Variants in MDGA2 observed in about 807,000 individuals in gnomAD.
MDGA2 encodes the protein MAM domain-containing glycosylphosphatidylinositol anchor protein 2.
In MDGA2, 40 loss-of-function variants were observed where a neutral mutation model predicts 117.8. That is an observed-to-expected ratio of 0.34 (90% CI 0.26 to 0.44). MDGA2 has a LOEUF of 0.44. Ranked by LOEUF, MDGA2 falls within the 20% of genes least tolerant of loss-of-function variation. The probability of loss-of-function intolerance (pLI) is 1.00; values close to 1 mark genes in which losing one functional copy is unlikely to be tolerated. For missense variants in MDGA2, 1,123 were observed against 1,250.6 expected, an observed-to-expected ratio of 0.90 and a Z score of 1.54; for synonymous variants, 452 against 439.0, an observed-to-expected ratio of 1.03 and a Z score of -0.37.
In MDGA2 at chr14:47,479,854, T is replaced by G. The variant is rs568976046; in HGVS notation, c.281-178304A>C. Among the ~76,000 whole-genome samples the G allele has an allele frequency of 1.6e-3, 242 of 152,208 alleles. 1 individual carries two copies. Among genetic ancestry groups the G allele is most frequent in the African/African-American group, 5.6e-3 (234 of 41,562 alleles). On this transcript the variant is annotated intron_variant, in intron 1 of 16. Coordinates refer to ENST00000399232, the MANE Select transcript of MDGA2 (RefSeq NM_001113498.3). ...CCAGCTAACCACACAAAACCTCAGT[T>G]ATATTTACACCAACAATTTACCGCT...
At chr14:47,518,367 T>TA (rs1010638099) in intron 1 of MDGA2, among the ~76,000 whole-genome samples, 12 of 152,064 alleles carry the variant, frequency 7.9e-5, no homozygotes, top group African/African-American at 2.4e-4. Flanking sequence ...AAATAATTTC[T>TA]AAAAAAACAC....
intron 1 of MDGA2, among the ~76,000 whole-genome samples, chr14:47,424,725 T>G (rs1892650243): frequency 6.6e-6 from 1 of 152,204 alleles, no homozygotes; most frequent in Non-Finnish European, 1.5e-5. Context: ...CATATCTATG[T>G]GACATAGGTA....
chr14:47,518,834 G>A (rs1894808218), intron 1 of MDGA2, among the ~76,000 whole-genome samples: 1 of 152,160 alleles, frequency 6.6e-6, no homozygotes, highest in African/African-American at 2.4e-5. Context: ...CTAAGTGCTA[G>A]GCTATCATAA....
intron 3 of MDGA2, among the ~76,000 whole-genome samples, chr14:47,174,518 G>C (rs1884343493): frequency 1.3e-5 from 2 of 151,996 alleles, no homozygotes; most frequent in Admixed American, 6.6e-5. Flanking sequence ...TCAACAACAT[G>C]GAAACTGAAC....
At chr14:46,944,522 G>A (rs143073952) in intron 9 of MDGA2, among the ~76,000 whole-genome samples, 20 of 151,992 alleles carry the variant, frequency 1.3e-4, no homozygotes, top group Non-Finnish European at 2.1e-4. Context: ...GAAAATTTCA[G>A]CCATTTTTTC....
At chr14:46,859,947 A>C (rs942613209) in intron 14 of MDGA2, among the ~76,000 whole-genome samples, 16 of 152,086 alleles carry the variant, frequency 1.1e-4, no homozygotes, top group Admixed American at 1.0e-3. Context: ...AGCCTTCTTA[A>C]CATTTTGGTG....
chr14:47,354,257 T>A (rs759137589), intron 1 of MDGA2, among the ~76,000 whole-genome samples: 4 of 152,200 alleles, frequency 2.6e-5, no homozygotes, highest in Non-Finnish European at 5.9e-5. Context: ...ATGCCCATTC[T>A]CACCTCTTCT....
intron 14 of MDGA2, among the ~76,000 whole-genome samples, chr14:46,873,060 T>C (rs1029747397): frequency 9.2e-5 from 14 of 152,080 alleles, no homozygotes; most frequent in Middle Eastern, 3.4e-3. Context: ...TATAGCAACA[T>C]GACAATATTA....
At chr14:47,472,033 A>C in intron 1 of MDGA2, among the ~76,000 whole-genome samples, 1 of 152,178 alleles carries the variant, frequency 6.6e-6, no homozygotes, top group East Asian at 1.9e-4. Context: ...AATGTGAACT[A>C]TGTGATTCTT....
At chr14:47,477,814 C>T (rs531141909) in intron 1 of MDGA2, among the ~76,000 whole-genome samples, 24 of 152,216 alleles carry the variant, frequency 1.6e-4, no homozygotes, top group African/African-American at 5.5e-4. Context: ...CTGTGACATC[C>T]CAGAGAGATT....
intron 2 of MDGA2, among the ~76,000 whole-genome samples, chr14:47,226,584 GA>G (rs2139553594): frequency 1.3e-5 from 2 of 152,218 alleles, no homozygotes; most frequent in African/African-American, 4.8e-5. Context: ...GGAGCACTAC[GA>G]TAGGGCCTGC....
At chr14:47,249,192 AT>A (rs71448184) in intron 2 of MDGA2, among the ~76,000 whole-genome samples, 1 of 151,200 alleles carries the variant, frequency 6.6e-6, no homozygotes, top group East Asian at 1.9e-4. Context: ...TAATTTTTGT[AT>A]TTTTTAGTAG....
intron 2 of MDGA2, among the ~76,000 whole-genome samples, chr14:47,239,115 C>T (rs1886958090): frequency 6.6e-6 from 1 of 150,934 alleles, no homozygotes; most frequent in African/African-American, 2.4e-5. Flanking sequence ...CTATCGCCAT[C>T]ATAAAGTTGT....
At chr14:47,449,965 A>G (rs1183478797) in intron 1 of MDGA2, among the ~76,000 whole-genome samples, 1 of 152,156 alleles carries the variant, frequency 6.6e-6, no homozygotes, top group Non-Finnish European at 1.5e-5. Context: ...TAGACAACCT[A>G]TATGTTCTTT....
At chr14:47,177,419 A>G (rs1286937114) in intron 3 of MDGA2, among the ~76,000 whole-genome samples, 3 of 152,216 alleles carry the variant, frequency 2.0e-5, no homozygotes, top group Non-Finnish European at 4.4e-5. Context: ...CAACAATGAT[A>G]GACTGGATTA....
At chr14:47,518,397 A>G (rs1005136581) in intron 1 of MDGA2, among the ~76,000 whole-genome samples, 2 of 152,214 alleles carry the variant, frequency 1.3e-5, no homozygotes, top group African/African-American at 2.4e-5. Context: ...TTATATATGC[A>G]TATGTGTGTT....
At chr14:47,306,903 A>C (rs1197433489) in intron 1 of MDGA2, among the ~76,000 whole-genome samples, 3 of 150,938 alleles carry the variant, frequency 2.0e-5, no homozygotes, top group Admixed American at 1.3e-4. Flanking sequence ...CAGACAGCCT[A>C]TACCTTACTG....
chr14:47,262,660 T>G (rs1887835471), intron 2 of MDGA2, among the ~76,000 whole-genome samples: 1 of 152,094 alleles, frequency 6.6e-6, no homozygotes, highest in African/African-American at 2.4e-5. Flanking sequence ...CAAAGTACAG[T>G]CAAAAGACAA....
At position 47,106,526 on chromosome 14, in the gene MDGA2, T is replaced by TCC. The variant is rs1566627843; in HGVS notation, c.926-9404_926-9403insGG. 1.1e-3 allele frequency among the ~76,000 whole-genome samples: 162 copies of TCC among 151,852 alleles called. 2 individuals carry two copies. The highest frequency in any genetic ancestry group is 3.8e-3 in the African/African-American group (158 of 41,440). ...GGGATTCCTCCTAAGCCGCGTCCCA[T>TCC]CTGTGCGGGACCCCACTGAAAATCG... is the stretch of plus-strand genomic sequence containing the variant. On this transcript the variant is annotated intron_variant, in intron 5 of 16. Transcript: ENST00000399232.
Sources: allele counts gnomAD v4.1 joint callset (sites outside exome capture counted in the v4.1 genomes callset), GRCh38; gene constraint gnomAD v4.1.1; transcripts MANE v1.5; gene names NCBI Gene and HGNC (gene_info 2026-07-23, HGNC 2026-07-21).